The following LAMA2 variants were observed in gnomAD, a reference collection of about 807,000 sequenced individuals.
LAMA2 encodes the protein laminin subunit alpha-2.
LAMA2 carries 269 observed loss-of-function variants against 364.8 expected under a neutral mutation model. The observed-to-expected ratio is 0.74, with a 90% confidence interval of 0.67 to 0.82. LAMA2 has a LOEUF of 0.82. Ranked by LOEUF, LAMA2 falls within the 40% of genes least tolerant of loss-of-function variation. LAMA2 has a pLI of 0.00. For missense variants in LAMA2, 3,807 were observed against 3,873.2 expected (o/e 0.98, Z 0.45); for synonymous variants, 1,379 against 1,370.6 (o/e 1.01, Z -0.14).
intron 34 of LAMA2, among the ~76,000 whole-genome samples, chr6:129,371,619 T>A (rs1778086081): frequency 6.6e-6 from 1 of 150,726 alleles, no homozygotes; most frequent in Non-Finnish European, 1.5e-5. Context: ...TTTTTTTTTT[T>A]TTTTTGAGAC....
At chr6:128,966,685 A>G (rs1250935800) in intron 1 of LAMA2, among the ~76,000 whole-genome samples, 2 of 152,126 alleles carry the variant, frequency 1.3e-5, no homozygotes, top group Non-Finnish European at 2.9e-5. Context: ...TATTCATAAA[A>G]ACTATCCATT....
intron 10 of LAMA2, among the ~76,000 whole-genome samples, chr6:129,178,630 T>C (rs751592105): frequency 8.5e-5 from 13 of 152,196 alleles, no homozygotes; most frequent in African/African-American, 1.2e-4. Flanking sequence ...TAGCATACCA[T>C]ACTTATGTAA....
intron 1 of LAMA2, among the ~76,000 whole-genome samples, chr6:128,994,842 A>G (rs1182697022): frequency 6.6e-6 from 1 of 152,112 alleles, no homozygotes; most frequent in Admixed American, 6.6e-5. Context: ...TATTATATTT[A>G]ACATAACACC....
At chr6:129,107,855 G>T (rs1031287008) in intron 4 of LAMA2, among the ~76,000 whole-genome samples, 1 of 152,106 alleles carries the variant, frequency 6.6e-6, no homozygotes, top group African/African-American at 2.4e-5. Context: ...AAAGCTAAAA[G>T]TTTCCTTCTG....
At chr6:128,970,985 A>T (rs1255448405) in intron 1 of LAMA2, among the ~76,000 whole-genome samples, 1 of 152,084 alleles carries the variant, frequency 6.6e-6, no homozygotes, top group African/African-American at 2.4e-5. Flanking sequence ...GGGGGCCAAG[A>T]TATTCATTTC....
intron 64 of LAMA2, 117 bp from the exon 65 acceptor site, chr6:129,516,073 C>T (rs935846771): frequency 8.6e-7 from 1 of 1,165,202 alleles, no homozygotes; most frequent in Non-Finnish European, 1.3e-6. Context: ...AAACCACTAA[C>T]TTTGCATAAA....
chr6:129,210,795 G>A (rs192915976), intron 12 of LAMA2, among the ~76,000 whole-genome samples: 247 of 152,186 alleles, frequency 1.6e-3, no homozygotes, highest in Non-Finnish European at 2.7e-3. Context: ...GATTCAAATG[G>A]GTGACATGGC....
At chr6:128,914,908 C>T (rs1189909987) in intron 1 of LAMA2, among the ~76,000 whole-genome samples, 2 of 152,044 alleles carry the variant, frequency 1.3e-5, no homozygotes, top group East Asian at 3.8e-4. Flanking sequence ...TTATACTTTT[C>T]CATTTTTAAA....
At chr6:129,062,814 A>G (rs1789018054) in intron 3 of LAMA2, among the ~76,000 whole-genome samples, 1 of 152,016 alleles carries the variant, frequency 6.6e-6, no homozygotes, top group Non-Finnish European at 1.5e-5. Context: ...TTGTTGATAA[A>G]TGCTTGGCTC....
chr6:129,305,435 T>C (rs1338080330), intron 22 of LAMA2, among the ~76,000 whole-genome samples: 3 of 151,752 alleles, frequency 2.0e-5, no homozygotes, highest in African/African-American at 7.3e-5. Flanking sequence ...AGAAATCCTC[T>C]CACCTCAGCC....
Position 128,883,174 on chromosome 6 carries a change from G to T in LAMA2, c.-72G>T. 1 of 1,435,668 alleles carries T rather than the reference G, an allele frequency of 7.0e-7. No homozygotes were observed. The highest frequency in any genetic ancestry group is 9.5e-7 in the Non-Finnish European group (1 of 1,051,780). The allele number at this position is 1,435,668 out of a possible 1,614,324, so 88.9% of individuals were successfully genotyped here. A position where few individuals can be genotyped will look rare whatever the true frequency, so the allele number is the denominator to read the frequency against. On this transcript the variant is annotated 5_prime_UTR_variant, in exon 1 of 65. Coordinates refer to ENST00000421865, the MANE Select transcript of LAMA2 (RefSeq NM_000426.4). ...CAGCTGCTGCTCGCTCAGCTCACAA[G>T]CCAAGGCCAGGGGACAGGGCGGCAG...
At chr6:129,349,215 A>G in intron 30 of LAMA2, 83 bp from the exon 31 acceptor site, 3 of 1,067,460 alleles carry the variant, frequency 2.8e-6, no homozygotes, top group East Asian at 2.5e-5. Context: ...GTATGTCCCA[A>G]TAACCTTGAT....
intron 1 of LAMA2, among the ~76,000 whole-genome samples, chr6:129,044,733 A>C (rs1462248885): frequency 6.6e-6 from 1 of 152,112 alleles, no homozygotes; most frequent in Non-Finnish European, 1.5e-5. Flanking sequence ...TTCAGAAAAA[A>C]AATGTCAATC....
intron 20 of LAMA2, chr6:129,292,801 A>C (rs1158304472): frequency 4.1e-6 from 4 of 985,656 alleles, no homozygotes. Flanking sequence ...TGGTTTTTAA[A>C]GCCCAATATG....
At chr6:129,112,344 C>T (rs556669699) in intron 4 of LAMA2, among the ~76,000 whole-genome samples, 1 of 151,944 alleles carries the variant, frequency 6.6e-6, no homozygotes, top group East Asian at 1.9e-4. Context: ...CAATTTGTTA[C>T]ATTGTATCCA....
chr6:129,405,765 A>G (rs1780217722), intron 40 of LAMA2, among the ~76,000 whole-genome samples: 1 of 152,142 alleles, frequency 6.6e-6, no homozygotes, highest in African/African-American at 2.4e-5. Flanking sequence ...ATATTTGAAA[A>G]GCATTACGTT....
chr6:129,015,623 C>T (rs1010996444), intron 1 of LAMA2, among the ~76,000 whole-genome samples: 7 of 151,848 alleles, frequency 4.6e-5, no homozygotes, highest in Non-Finnish European at 5.9e-5. Flanking sequence ...TACTTTGGTA[C>T]GAATGTCAAA....
At chr6:129,376,999 T>C (rs1264414916) in intron 34 of LAMA2, among the ~76,000 whole-genome samples, 4 of 152,200 alleles carry the variant, frequency 2.6e-5, no homozygotes, top group Admixed American at 6.5e-5. Context: ...TAAAAGCATT[T>C]GAACAACAAG....
intron 40 of LAMA2, among the ~76,000 whole-genome samples, chr6:129,410,534 C>T (rs1366245912): frequency 6.6e-6 from 1 of 152,050 alleles, no homozygotes; most frequent in African/African-American, 2.4e-5. Context: ...TAGATCTTCA[C>T]TAGAAATAAG....
Sources: gnomAD v4.1 joint callset for allele counts (sites outside exome capture counted in the v4.1 genomes callset) on GRCh38, gnomAD v4.1.1 for gene constraint, MANE v1.5 for transcripts, NCBI Gene and HGNC (gene_info 2026-07-23, HGNC 2026-07-21) for gene names.